Variants in TMTC1 observed in about 807,000 individuals in gnomAD.
The protein encoded by TMTC1 is transmembrane O-mannosyltransferase targeting cadherins 1.
A neutral mutation model predicts 104.8 loss-of-function variants in TMTC1; 73 were observed. The observed-to-expected ratio is 0.70, with a 90% CI of 0.58 to 0.85. The LOEUF is 0.85. TMTC1 is among the 40% of genes least tolerant of loss of function. TMTC1 has a pLI of 0.00. For synonymous variants in TMTC1, 434 were observed against 428.7 expected (o/e 1.01, Z -0.15); for missense variants, 1,035 against 1,096.1 (o/e 0.94, Z 0.79).
chr12:29,659,938 T>A, intron 5 of TMTC1: 1 of 1,536,044 alleles, frequency 6.5e-7, no homozygotes, highest in Non-Finnish European at 8.7e-7. Flanking sequence ...AAGAGGGGCA[T>A]AGATCCTCCC....
At chr12:29,596,902 G>A (rs1205846496) in intron 7 of TMTC1, among the ~76,000 whole-genome samples, 2 of 152,188 alleles carry the variant, frequency 1.3e-5, no homozygotes, top group African/African-American at 4.8e-5. Context: ...ATCCTTACCA[G>A]TCATGGCTTT....
In TMTC1 at chr12:29,691,835, G is replaced by A. The variant is rs1334247130; in HGVS notation, c.939-58499C>T. On this transcript the variant is annotated intron_variant, in intron 5 of 17. Coordinates refer to ENST00000539277, the MANE Select transcript of TMTC1 (RefSeq NM_001193451.2). ...TGTTGGAAGGAAAAACATGAAATTC[G>A]GGATTATTTAGTCAACACTAAGAGG... is the stretch of plus-strand genomic sequence containing the variant. 3.5e-5 allele frequency among the ~76,000 whole-genome samples: 5 copies of A among 144,666 alleles called. 1 individual carries two copies. Among genetic ancestry groups the A allele is most frequent in the East Asian group, 4.6e-4 (2 of 4,352 alleles). 94.9% of individuals were successfully genotyped at this position (144,666 alleles called of 152,430 possible). A position where few individuals can be genotyped will look rare whatever the true frequency, so the allele number is the denominator to read the frequency against.
intron 5 of TMTC1, among the ~76,000 whole-genome samples, chr12:29,683,172 G>A (rs1030985925): frequency 6.6e-6 from 1 of 152,184 alleles, no homozygotes; most frequent in Non-Finnish European, 1.5e-5. Flanking sequence ...TCTGCAGCTG[G>A]AGATGGTTAC....
At chr12:29,536,667 G>C (rs1041150490) in intron 10 of TMTC1, among the ~76,000 whole-genome samples, 2 of 152,122 alleles carry the variant, frequency 1.3e-5, no homozygotes, top group Non-Finnish European at 2.9e-5. Context: ...AAATTGGGTG[G>C]CATGAGAGCC....
chr12:29,519,213 CT>C (rs1340022623), intron 12 of TMTC1: 1 of 151,552 alleles, frequency 6.6e-6, no homozygotes, highest in East Asian at 1.9e-4. Context: ...TTTTTAAATA[CT>C]TACATTTGTA....
intron 17 of TMTC1, among the ~76,000 whole-genome samples, chr12:29,509,789 T>C (rs1217619994): frequency 1.3e-5 from 2 of 152,208 alleles, no homozygotes; most frequent in African/African-American, 4.8e-5. Flanking sequence ...TCAGCACTAA[T>C]TATATTTTAA....
intron 9 of TMTC1, among the ~76,000 whole-genome samples, chr12:29,560,869 A>G (rs1017054585): frequency 6.6e-6 from 1 of 152,186 alleles, no homozygotes; most frequent in Non-Finnish European, 1.5e-5. Context: ...CTGGGAAGGA[A>G]CACTTGTCTA....
At chr12:29,592,708 T>C (rs991178982) in intron 7 of TMTC1, among the ~76,000 whole-genome samples, 9 of 152,326 alleles carry the variant, frequency 5.9e-5, no homozygotes, top group African/African-American at 1.7e-4. Context: ...GGACAAATTA[T>C]TTAAGTTCTC....
intron 5 of TMTC1, among the ~76,000 whole-genome samples, chr12:29,648,914 T>C (rs1188208410): frequency 6.6e-6 from 1 of 152,146 alleles, no homozygotes; most frequent in African/African-American, 2.4e-5. Flanking sequence ...TTCCAGCACA[T>C]GGCCATTGGA....
At chr12:29,778,628 C>A (rs1592046150) in intron 1 of TMTC1, among the ~76,000 whole-genome samples, 1 of 152,214 alleles carries the variant, frequency 6.6e-6, no homozygotes, top group African/African-American at 2.4e-5. Flanking sequence ...AATATTCTTG[C>A]ATGCCCTTGG....
rs1945647629 is a variant in TMTC1, at chr12:29,570,832, AG to A, written c.1532+1272del. Among the ~76,000 whole-genome samples the A allele has an allele frequency of 0.037, 7 of 190 alleles. No homozygotes were observed. In the South Asian group the frequency reaches 0.38, roughly 10 times the overall value. 0.1% of individuals were successfully genotyped at this position (190 alleles called of 152,430 possible). A position where few individuals can be genotyped will look rare whatever the true frequency, so the allele number is the denominator to read the frequency against. Reference sequence around the variant, plus strand: ...GCACTCCAGCCTGGGTGACAGAGCGAGAGACTCCGTCTCAAAACAAAACAAA... The same window carrying A: ...GCACTCCAGCCTGGGTGACAGAGCGAAGACTCCGTCTCAAAACAAAACAAA... On this transcript the variant is annotated intron_variant, in intron 9 of 17. Transcript: ENST00000539277.
chr12:29,625,551 GA>G (rs1311650996), intron 6 of TMTC1, among the ~76,000 whole-genome samples: 5 of 152,216 alleles, frequency 3.3e-5, no homozygotes, highest in African/African-American at 1.2e-4. Flanking sequence ...AGCCACTACA[GA>G]AGAGCTCAAT....
chr12:29,540,852 A>G (rs942762497), intron 10 of TMTC1, among the ~76,000 whole-genome samples: 1 of 151,998 alleles, frequency 6.6e-6, no homozygotes, highest in African/African-American at 2.4e-5. Flanking sequence ...AAAATTAGCC[A>G]GGCACAGTGG....
At chr12:29,769,756 C>A (rs746842787) in intron 1 of TMTC1, among the ~76,000 whole-genome samples, 4 of 152,120 alleles carry the variant, frequency 2.6e-5, no homozygotes, top group Non-Finnish European at 4.4e-5. Context: ...AGAAAACAGG[C>A]AATCTCACAT....
chr12:29,650,100 T>A (rs1939445843), intron 5 of TMTC1, among the ~76,000 whole-genome samples: 1 of 151,594 alleles, frequency 6.6e-6, no homozygotes, highest in African/African-American at 2.4e-5. Flanking sequence ...TTTTTTTTTT[T>A]CTTTGAGGAG....
chr12:29,566,251 G>A (rs1186319023), intron 9 of TMTC1, among the ~76,000 whole-genome samples: 1 of 152,166 alleles, frequency 6.6e-6, no homozygotes, highest in East Asian at 1.9e-4. Context: ...CCCTGAAACA[G>A]GAAGGTGATG....
At chr12:29,695,968 C>G (rs1002207856) in intron 5 of TMTC1, among the ~76,000 whole-genome samples, 7 of 151,604 alleles carry the variant, frequency 4.6e-5, no homozygotes, top group Non-Finnish European at 8.8e-5. Flanking sequence ...TATTATGTTC[C>G]TATGCTTTGA....
chr12:29,578,641 T>A (rs528585652), intron 8 of TMTC1, among the ~76,000 whole-genome samples: 1 of 152,322 alleles, frequency 6.6e-6, no homozygotes, highest in African/African-American at 2.4e-5. Context: ...ACACCTTTTA[T>A]TGTGGAAGAC....
intron 5 of TMTC1, among the ~76,000 whole-genome samples, chr12:29,634,594 A>G (rs1938459991): frequency 6.6e-6 from 1 of 152,232 alleles, no homozygotes; most frequent in Non-Finnish European, 1.5e-5. Context: ...TCACTGCTTC[A>G]GCTCATATCT....
Sources: allele counts gnomAD v4.1 joint callset (sites outside exome capture counted in the v4.1 genomes callset), GRCh38; gene constraint gnomAD v4.1.1; transcripts MANE v1.5; gene names NCBI Gene and HGNC (gene_info 2026-07-23, HGNC 2026-07-21).